Variants in EPS8 observed in about 807,000 individuals in gnomAD.
EPS8 encodes EGFR pathway substrate 8, signaling adaptor, also known as epidermal growth factor receptor kinase substrate 8.
A neutral mutation model predicts 103.8 loss-of-function variants in EPS8; 42 were observed. The observed-to-expected ratio is 0.40, with a 90% CI of 0.32 to 0.52. EPS8 has a LOEUF of 0.52. Among genes scored for constraint, EPS8 ranks in the 20% least tolerant of loss-of-function variants. The pLI is 0.40. For missense variants in EPS8, 969 were observed against 1,005.1 expected (o/e 0.96, Z 0.49); for synonymous variants, 344 against 344.6 (o/e 1.00, Z 0.02).
rs541231182 is a variant in EPS8 at position 15,756,893 on chromosome 12, T to C, written c.-22+32268A>G. ...CTTTTAATTCTGTGTGATAAGAAAATAATTCAGAAAACAGCATTGACCAGC... is the reference window on the plus strand; with the variant it reads ...CTTTTAATTCTGTGTGATAAGAAAACAATTCAGAAAACAGCATTGACCAGC... On this transcript the variant is annotated intron_variant, in intron 1 of 20. Transcript: ENST00000281172. Among the ~76,000 whole-genome samples, 6 of 152,320 alleles carry C rather than the reference T, an allele frequency of 3.9e-5. No homozygotes were observed. The South Asian group carries it at 1.2e-3, about 32-fold the overall frequency.
At chr12:15,782,432 T>C (rs900719697) in intron 1 of EPS8, among the ~76,000 whole-genome samples, 9 of 152,158 alleles carry the variant, frequency 5.9e-5, no homozygotes, top group Non-Finnish European at 1.0e-4. Flanking sequence ...GCCTGGGTGG[T>C]TGAGGCTGCA....
intron 1 of EPS8, among the ~76,000 whole-genome samples, chr12:15,788,674 T>TA (rs2136064304): frequency 6.6e-6 from 1 of 152,248 alleles, no homozygotes; most frequent in South Asian, 2.1e-4. Context: ...TTAGCTATGT[T>TA]AATTCGAGGG....
rs537228622 is a variant in EPS8 at position 15,752,244 on chromosome 12, G to A, written c.-22+36917C>T. 1.3e-3 allele frequency among the ~76,000 whole-genome samples: 195 copies of A among 152,166 alleles called. No homozygotes were observed. Among genetic ancestry groups the A allele is most frequent in the Middle Eastern group, 6.8e-3 (2 of 294 alleles). ...AGGCGGATCACGAGGTCAGGAGATC[G>A]AGACCATCCTGGCTAACATGGTGAA... On this transcript the variant is annotated intron_variant, in intron 1 of 20. Coordinates refer to ENST00000281172, the MANE Select transcript of EPS8 (RefSeq NM_004447.6). The surrounding 1 kb of genome is among the most constrained non-coding windows in gnomAD (Gnocchi z 4.4).
At position 15,713,835 on chromosome 12, in the gene EPS8, G is replaced by A. The variant is rs1946498128; in HGVS notation, c.-21-30863C>T. 6.6e-6 allele frequency among the ~76,000 whole-genome samples: 1 copy of A among 152,130 alleles called. No homozygotes were observed. On this transcript the variant is annotated intron_variant, in intron 1 of 20. Transcript: ENST00000281172. The surrounding 1 kb of genome is among the most constrained non-coding windows in gnomAD (Gnocchi z 4.8). The stretch of plus-strand genomic sequence containing the variant: ...TTGTCTCTGAGAATCTGGGTGAAGA[G>A]GACAGGGGAAATGCTATAAATGCTA...
rs1487901645 is a variant in EPS8, at chr12:15,778,525, T to C, written c.-22+10636A>G. On this transcript the variant is annotated intron_variant, in intron 1 of 20. Coordinates refer to ENST00000281172, the MANE Select transcript of EPS8 (RefSeq NM_004447.6). This position sits in a 1 kb window ranked among gnomAD's most constrained non-coding sequence, Gnocchi z 4.5. ...TGTAGTTTATGGTACACAGTACTTTTTTGAAAACAGACCACGCAACAGAGG... is the reference window on the plus strand; with the variant it reads ...TGTAGTTTATGGTACACAGTACTTTCTTGAAAACAGACCACGCAACAGAGG... Among the ~76,000 whole-genome samples, 1 of 152,236 alleles carries C rather than the reference T, an allele frequency of 6.6e-6. No individual in the cohort carries two copies. Among genetic ancestry groups the C allele is most frequent in the African/African-American group, 2.4e-5 (1 of 41,466 alleles).
intron 1 of EPS8, among the ~76,000 whole-genome samples, chr12:15,720,041 G>A (rs1946577594): frequency 6.6e-6 from 1 of 152,130 alleles, no homozygotes; most frequent in South Asian, 2.1e-4. Flanking sequence ...AAAGAATTCA[G>A]GTTCATGTAC....
At chr12:15,642,483 A>G (rs1591813125) in intron 15 of EPS8, among the ~76,000 whole-genome samples, 1 of 152,114 alleles carries the variant, frequency 6.6e-6, no homozygotes, top group Non-Finnish European at 1.5e-5. Context: ...AAACTTCCTT[A>G]AAAAACCAAA....
At chr12:15,657,240 G>A (rs775120865) in intron 12 of EPS8, among the ~76,000 whole-genome samples, 52 of 152,032 alleles carry the variant, frequency 3.4e-4, no homozygotes, top group East Asian at 2.3e-3. Context: ...ACTATTCTTC[G>A]TCTGGAATTC....
At chr12:15,742,752 G>A (rs1230326595) in intron 1 of EPS8, among the ~76,000 whole-genome samples, 1 of 152,114 alleles carries the variant, frequency 6.6e-6, no homozygotes, top group Non-Finnish European at 1.5e-5. Flanking sequence ...GGTATTGATT[G>A]GATGTATCTC....
At chr12:15,699,709 T>G (rs187998086) in intron 1 of EPS8, among the ~76,000 whole-genome samples, 1 of 152,182 alleles carries the variant, frequency 6.6e-6, no homozygotes, top group Non-Finnish European at 1.5e-5. Context: ...TCTCAAATAC[T>G]CCTACATATA....
Position 15,776,635 on chromosome 12 carries a change from T to A in EPS8, c.-22+12526A>T, listed in dbSNP as rs189887998. Among the ~76,000 whole-genome samples, 8 of 152,364 alleles carry A rather than the reference T, an allele frequency of 5.3e-5. No homozygotes were observed. The highest frequency in any genetic ancestry group is 1.2e-4 in the Non-Finnish European group (8 of 68,030). ...GAACTGTCTTTTATTTTGCAGTTAT[T>A]TATTGAATACTTATTCAATATACAC... On this transcript the variant is annotated intron_variant, in intron 1 of 20. Coordinates refer to ENST00000281172, the MANE Select transcript of EPS8 (RefSeq NM_004447.6). The surrounding 1 kb of genome is among the most constrained non-coding windows in gnomAD (Gnocchi z 4.2).
rs139524057 is a variant in EPS8 at position 15,752,170 on chromosome 12, G to A, written c.-22+36991C>T. 9.6e-3 allele frequency among the ~76,000 whole-genome samples: 1,468 copies of A among 152,286 alleles called. 10 individuals carry two copies. Among genetic ancestry groups the A allele is most frequent in the South Asian group, 0.02 (98 of 4,824 alleles). On this transcript the variant is annotated intron_variant, in intron 1 of 20. Transcript: ENST00000281172. This position sits in a 1 kb window ranked among gnomAD's most constrained non-coding sequence, Gnocchi z 4.4. Reference sequence around the variant, plus strand: ...AGAGCTATTAAAATTCCCCTAGGCCGGGCGTGGTGGCTCACGCCTGTAATC... The same window carrying A: ...AGAGCTATTAAAATTCCCCTAGGCCAGGCGTGGTGGCTCACGCCTGTAATC...
At chr12:15,628,532 A>G (rs1324144692) in intron 18 of EPS8, among the ~76,000 whole-genome samples, 1 of 152,254 alleles carries the variant, frequency 6.6e-6, no homozygotes, top group African/African-American at 2.4e-5. Flanking sequence ...AATACAAAGC[A>G]ACTAAAGTTT....
intron 1 of EPS8, among the ~76,000 whole-genome samples, chr12:15,737,695 T>A (rs768032182): frequency 6.6e-5 from 10 of 152,194 alleles, no homozygotes; most frequent in Middle Eastern, 3.2e-3. Flanking sequence ...GAGCCCATGA[T>A]GCTAACTATT....
rs1284995947 is a variant in EPS8, at chr12:15,650,897, A to G, written c.1360T>C (p.Tyr454His). The G allele has an allele frequency of 6.2e-7, 1 of 1,613,978 alleles. No homozygotes were observed. Among genetic ancestry groups the G allele is most frequent in the African/African-American group, 1.3e-5 (1 of 74,900 alleles). The change falls in exon 14 of 21, where the codon TAT (tyrosine) becomes CAT (histidine). Residue 454 changes from tyrosine (Y) to histidine (H), a missense_variant. Tyr to His is a moderately conservative substitution (Grantham distance 83, BLOSUM62 2). Coordinates refer to ENST00000281172, the MANE Select transcript of EPS8 (RefSeq NM_004447.6). Reference protein sequence around the residue: ...FMGATMEQDLYQLAESVANVA... With the variant: ...FMGATMEQDLHQLAESVANVA... Reference sequence around the variant, plus strand: ...TTTGCCACAGATTCTGCCAGTTGATAAAGATCTTGTTCCATTGTGGCTCCC... The same window carrying G: ...TTTGCCACAGATTCTGCCAGTTGATGAAGATCTTGTTCCATTGTGGCTCCC...
In EPS8 at chr12:15,702,853, T is replaced by C. The variant is rs1946328548; in HGVS notation, c.-21-19881A>G. 6.6e-6 allele frequency among the ~76,000 whole-genome samples: 1 copy of C among 152,146 alleles called. No individual in the cohort carries two copies. The stretch of plus-strand genomic sequence containing the variant: ...ATTCAATAGAGTGAGCAAAACCACA[T>C]AATAAGTTCATTCGAGGCTGGGCGC... On this transcript the variant is annotated intron_variant, in intron 1 of 20. Coordinates refer to ENST00000281172, the MANE Select transcript of EPS8 (RefSeq NM_004447.6). This position sits in a 1 kb window ranked among gnomAD's most constrained non-coding sequence, Gnocchi z 5.1.
chr12:15,664,830 A>G (rs1218283928), intron 8 of EPS8, among the ~76,000 whole-genome samples: 1 of 152,238 alleles, frequency 6.6e-6, no homozygotes, highest in African/African-American at 2.4e-5. Flanking sequence ...TCGTCCTTAA[A>G]ATGAAGATAC....
chr12:15,759,386 A>G lies in EPS8; in HGVS notation c.-22+29775T>C, dbSNP rs1003042029. ...CAACACAACTAATTTTATGCAATAA[A>G]AAAATTATAATGACCATCTACTGTA... On this transcript the variant is annotated intron_variant, in intron 1 of 20. Coordinates refer to ENST00000281172, the MANE Select transcript of EPS8 (RefSeq NM_004447.6). The surrounding 1 kb of genome is among the most constrained non-coding windows in gnomAD (Gnocchi z 4.9). Among the ~76,000 whole-genome samples, 1 of 152,178 alleles carries G rather than the reference A, an allele frequency of 6.6e-6. No individual in the cohort carries two copies. The highest frequency in any genetic ancestry group is 1.5e-5 in the Non-Finnish European group (1 of 67,988).
Position 15,688,512 on chromosome 12 carries a change from C to T in EPS8, c.-21-5540G>A, listed in dbSNP as rs1215660813. Among the ~76,000 whole-genome samples the T allele has an allele frequency of 6.6e-6, 1 of 152,106 alleles. No homozygotes were observed. Among genetic ancestry groups the T allele is most frequent in the Admixed American group, 6.5e-5 (1 of 15,270 alleles). The stretch of plus-strand genomic sequence containing the variant: ...GCCCCCATTTTGTGCCTATAAACAC[C>T]CTGAGAACCTAGCAGGCAGGCACAT... On this transcript the variant is annotated intron_variant, in intron 1 of 20. Coordinates refer to ENST00000281172, the MANE Select transcript of EPS8 (RefSeq NM_004447.6). The surrounding 1 kb of genome is among the most constrained non-coding windows in gnomAD (Gnocchi z 5.1).
Sources: gnomAD v4.1 joint callset for allele counts (sites outside exome capture counted in the v4.1 genomes callset) on GRCh38, gnomAD v4.1.1 for gene constraint, Gnocchi (gnomAD v3.1) non-coding constraint, MANE v1.5 for transcripts, NCBI Gene and HGNC (gene_info 2026-07-23, HGNC 2026-07-21) for gene names.